PEMT: variants seen among roughly 807,000 people sequenced by gnomAD.
PEMT encodes the protein phosphatidylethanolamine N-methyltransferase, also known as phospholipid methyltransferase.
In PEMT, 23 loss-of-function variants were observed where a neutral mutation model predicts 27.4. The observed-to-expected ratio is 0.84, with a 90% CI of 0.60 to 1.19. The LOEUF is 1.19. Among genes scored for constraint, PEMT ranks in the 50% most tolerant of loss-of-function variants. The probability of loss-of-function intolerance (pLI) is 0.00; values close to 1 mark genes in which losing one functional copy is unlikely to be tolerated. For missense variants in PEMT, 307 were observed against 310.1 expected (o/e 0.99, Z 0.07); for synonymous variants, 137 against 139.1 (o/e 0.98, Z 0.11).
intron 2 of PEMT, among the ~76,000 whole-genome samples, chr17:17,563,413 G>A (rs894717873): frequency 3.9e-5 from 6 of 152,070 alleles, no homozygotes; most frequent in East Asian, 1.9e-4. Context: ...GCCCCACCTC[G>A]CAGGGAGGTA....
intron 2 of PEMT, among the ~76,000 whole-genome samples, chr17:17,563,593 G>A (rs765252728): frequency 8.5e-5 from 13 of 152,160 alleles, no homozygotes; most frequent in Admixed American, 7.9e-4. Context: ...TAGCAACATC[G>A]CCCATCCACG....
chr17:17,506,585 CCAGCCG>C (rs1400122489), intron 5 of PEMT, among the ~76,000 whole-genome samples: 1 of 152,268 alleles, frequency 6.6e-6, no homozygotes, highest in Non-Finnish European at 1.5e-5. Flanking sequence ...TTCCGGGTCT[CCAGCCG>C]CCAGCCCAGA....
intron 2 of PEMT, among the ~76,000 whole-genome samples, chr17:17,552,485 C>T (rs1909727137): frequency 6.6e-6 from 1 of 152,224 alleles, no homozygotes; most frequent in Non-Finnish European, 1.5e-5. Flanking sequence ...GGTGCTGATC[C>T]CCGTGAGGAG....
At chr17:17,551,737 G>A (rs1005737722) in intron 2 of PEMT, among the ~76,000 whole-genome samples, 2 of 152,196 alleles carry the variant, frequency 1.3e-5, no homozygotes, top group African/African-American at 2.4e-5. Flanking sequence ...TAGCACCCTC[G>A]GCCACCAGCG....
At chr17:17,527,826 G>C (rs1907789218) in intron 2 of PEMT, among the ~76,000 whole-genome samples, 1 of 152,204 alleles carries the variant, frequency 6.6e-6, no homozygotes, top group South Asian at 2.1e-4. Flanking sequence ...CACTGGGCTC[G>C]CCGGCTGCCA....
Position 17,522,371 on chromosome 17 carries a change from G to T in PEMT, c.229C>A (p.Arg77Ser), listed in dbSNP as rs756474306. ...GATCCGAAGGCCCTGCTCAGCTTGCGGGTCTTGTGTTCCCATCGTGCAACC... is the reference window on the plus strand; with the variant it reads ...GATCCGAAGGCCCTGCTCAGCTTGCTGGTCTTGTGTTCCCATCGTGCAACC... ...NVVARWEHKT[R>S]KLSRAFGSPY... Residue 77 changes from arginine to serine, a missense_variant, in exon 3 of 7, where the codon CGC (arginine) becomes AGC (serine). Transcript: ENST00000255389. The T allele has an allele frequency of 6.2e-7, 1 of 1,613,480 alleles. No homozygotes were observed. The highest frequency in any genetic ancestry group is 8.5e-7 in the Non-Finnish European group (1 of 1,179,722).
chr17:17,508,670 C>T (rs1038372433), intron 5 of PEMT: 11 of 391,056 alleles, frequency 2.8e-5, no homozygotes, highest in South Asian at 1.1e-4. Context: ...GGTATGAAGC[C>T]GAGGGCAGCG....
chr17:17,560,464 T>C (rs1910395530), intron 2 of PEMT, among the ~76,000 whole-genome samples: 1 of 152,154 alleles, frequency 6.6e-6, no homozygotes, highest in Non-Finnish European at 1.5e-5. Flanking sequence ...CAGAGGTACC[T>C]ATCCAGAAAA....
chr17:17,507,018 G>A (rs1379746145), intron 5 of PEMT: 13 of 725,418 alleles, frequency 1.8e-5, no homozygotes, highest in Non-Finnish European at 3.1e-5. Flanking sequence ...CATCGCCAGG[G>A]GCTCTTTGCT....
intron 3 of PEMT, among the ~76,000 whole-genome samples, chr17:17,520,949 G>C (rs1255509121): frequency 6.6e-6 from 1 of 152,254 alleles, no homozygotes; most frequent in African/African-American, 2.4e-5. Context: ...GCCACCCTCG[G>C]TGAGTGTGTG....
At chr17:17,543,568 C>G (rs541413606) in intron 2 of PEMT, among the ~76,000 whole-genome samples, 2 of 147,162 alleles carry the variant, frequency 1.4e-5, no homozygotes, top group African/African-American at 5.0e-5. Flanking sequence ...CCAGCTTGTG[C>G]TTTTTTTTTT....
intron 2 of PEMT, among the ~76,000 whole-genome samples, chr17:17,544,314 CTT>C (rs918820934): frequency 4.7e-5 from 7 of 148,802 alleles, no homozygotes; most frequent in Non-Finnish European, 1.0e-4. Flanking sequence ...GAGTTTTGCT[CTT>C]GTCGCCCAGG....
intron 1 of PEMT, among the ~76,000 whole-genome samples, chr17:17,579,444 G>A (rs911659760): frequency 1.7e-4 from 26 of 152,134 alleles, no homozygotes; most frequent in African/African-American, 5.1e-4. Flanking sequence ...TTGGGAGGCC[G>A]AGGTGGGCGG....
At chr17:17,583,430 G>A (rs1390784662) in intron 1 of PEMT, among the ~76,000 whole-genome samples, 2 of 152,190 alleles carry the variant, frequency 1.3e-5, no homozygotes, top group Non-Finnish European at 2.9e-5. Flanking sequence ...TCTGGTAGAA[G>A]AGGAGAAGCC....
chr17:17,558,494 G>A (rs1910226254), intron 2 of PEMT, among the ~76,000 whole-genome samples: 1 of 146,722 alleles, frequency 6.8e-6, no homozygotes, highest in Non-Finnish European at 1.5e-5. Context: ...GGCAACAAGA[G>A]TGAAACTCTA....
At chr17:17,553,434 A>G (rs1299157384) in intron 2 of PEMT, among the ~76,000 whole-genome samples, 1 of 152,214 alleles carries the variant, frequency 6.6e-6, no homozygotes, top group Admixed American at 6.5e-5. Flanking sequence ...GAAAGAGCGT[A>G]GGCAACCACA....
chr17:17,556,256 G>C (rs1379220815), intron 2 of PEMT, among the ~76,000 whole-genome samples: 2 of 152,216 alleles, frequency 1.3e-5, no homozygotes, highest in Non-Finnish European at 2.9e-5. Flanking sequence ...GCTGTCATTG[G>C]GAGTCTCATT....
chr17:17,517,714 C>A (rs935701624), intron 3 of PEMT, among the ~76,000 whole-genome samples: 5 of 152,238 alleles, frequency 3.3e-5, no homozygotes, highest in African/African-American at 9.6e-5. Flanking sequence ...CAGGGTTGCA[C>A]CTGCCCCACG....
chr17:17,551,084 C>A (rs527444737), intron 2 of PEMT, among the ~76,000 whole-genome samples: 11 of 152,112 alleles, frequency 7.2e-5, no homozygotes, highest in African/African-American at 2.2e-4. Context: ...AGTGGGAGAA[C>A]GGGTGCAAAG....
Sources: allele counts gnomAD v4.1 joint callset (sites outside exome capture counted in the v4.1 genomes callset), GRCh38; gene constraint gnomAD v4.1.1; transcripts MANE v1.5; gene names NCBI Gene and HGNC (gene_info 2026-07-23, HGNC 2026-07-21).